The following PPARGC1A variants were observed in gnomAD, a reference collection of about 807,000 sequenced individuals.
The protein encoded by PPARGC1A is PPARG coactivator 1 alpha.
A neutral mutation model predicts 88.7 loss-of-function variants in PPARGC1A; 25 were observed. The observed-to-expected ratio is 0.28, with a 90% CI of 0.21 to 0.39. PPARGC1A has a LOEUF of 0.39. Among genes scored for constraint, PPARGC1A ranks in the 10% least tolerant of loss-of-function variants. The pLI, the probability that PPARGC1A is intolerant of heterozygous loss-of-function variation, is 1.00. For missense variants in PPARGC1A, 880 were observed against 968.7 expected (o/e 0.91, Z 1.22); for synonymous variants, 363 against 355.6 (o/e 1.02, Z -0.24).
At chr4:23,861,931 T>A (rs1009232162) in intron 2 of PPARGC1A, among the ~76,000 whole-genome samples, 1 of 152,214 alleles carries the variant, frequency 6.6e-6, no homozygotes, top group Admixed American at 6.5e-5. Context: ...AATAAAAGAC[T>A]TTAAAGCTAG....
At chr4:24,280,765 C>T in the PPARGC1A span, among the ~76,000 whole-genome samples, 1 of 152,132 alleles carries the variant, frequency 6.6e-6, no homozygotes, top group Admixed American at 6.5e-5. Flanking sequence ...CATTTGATCC[C>T]CAAGTTTTCA....
the PPARGC1A span, among the ~76,000 whole-genome samples, chr4:23,944,670 G>C: frequency 6.6e-6 from 1 of 152,152 alleles, no homozygotes; most frequent in African/African-American, 2.4e-5. Context: ...TGAATCAGAA[G>C]GGCAGCTTCC....
chr4:24,164,475 C>A, the PPARGC1A span, among the ~76,000 whole-genome samples: 11 of 152,192 alleles, frequency 7.2e-5, no homozygotes, highest in Non-Finnish European at 1.5e-4. Flanking sequence ...GAGAGGGGAG[C>A]AATGCCCAGA....
At chr4:23,891,540 A>T (rs1428933620), upstream of PPARGC1A, among the ~76,000 whole-genome samples, 1 of 152,226 alleles carries the variant, frequency 6.6e-6, no homozygotes, top group African/African-American at 2.4e-5. Flanking sequence ...AACAAAAGAA[A>T]CAAAATACCA....
At chr4:24,122,460 G>A in the PPARGC1A span, among the ~76,000 whole-genome samples, 1 of 144,908 alleles carries the variant, frequency 6.9e-6, no homozygotes, top group African/African-American at 2.6e-5. Context: ...GAGAGAGAGA[G>A]ATCTATATAA....
At chr4:24,114,572 T>C in the PPARGC1A span, among the ~76,000 whole-genome samples, 3 of 152,192 alleles carry the variant, frequency 2.0e-5, no homozygotes, top group African/African-American at 4.8e-5. Flanking sequence ...CATTCTTTCA[T>C]TCCCATTTGC....
In PPARGC1A at chr4:23,884,876, T is replaced by G. The variant is rs1315540191; in HGVS notation, c.110A>C (p.Asp37Ala). The G allele has an allele frequency of 6.2e-7, 1 of 1,613,706 alleles. No individual in the cohort carries two copies. Among genetic ancestry groups the G allele is most frequent in the African/African-American group, 1.3e-5 (1 of 74,964 alleles). The change falls in exon 2 of 13, where the codon GAT becomes GCT. Residue 37 changes from aspartate (D) to alanine (A), a missense_variant. Asp to Ala is a moderately radical substitution (Grantham distance 126, BLOSUM62 -2). Transcript: ENST00000264867. The part of the protein sequence containing the change: ...QPLCPDLPEL[D>A]LSELDVNDLD... ...GTCGTTCACATCTAGTTCAGAAAGA[T>G]CAAGTTCAGGAAGATCTGGGCAAAG...
At chr4:23,948,070 C>A in the PPARGC1A span, among the ~76,000 whole-genome samples, 1 of 152,052 alleles carries the variant, frequency 6.6e-6, no homozygotes, top group African/African-American at 2.4e-5. Context: ...TCTTATCAGC[C>A]AAGAATGCAG....
chr4:24,276,776 A>C, the PPARGC1A span, among the ~76,000 whole-genome samples: 1 of 152,236 alleles, frequency 6.6e-6, no homozygotes, highest in Non-Finnish European at 1.5e-5. Context: ...TAGATACTGA[A>C]GCCCTGCAGA....
chr4:24,030,318 AC>A, the PPARGC1A span, among the ~76,000 whole-genome samples: 1 of 152,170 alleles, frequency 6.6e-6, no homozygotes, highest in African/African-American at 2.4e-5. Context: ...ATGCTCTAAC[AC>A]AAAAATGCAG....
At chr4:23,883,023 G>A (rs540782792) in intron 2 of PPARGC1A, 1 of 152,230 alleles carries the variant, frequency 6.6e-6, no homozygotes, top group East Asian at 1.9e-4. Context: ...CTATGGAGAT[G>A]GACATTTTTT....
chr4:24,233,706 ACTGT>A, the PPARGC1A span, among the ~76,000 whole-genome samples: 1 of 152,076 alleles, frequency 6.6e-6, no homozygotes, highest in African/African-American at 2.4e-5. Flanking sequence ...GAGCTAACTC[ACTGT>A]CAGTGAGATT....
chr4:24,387,606 G>A, the PPARGC1A span, among the ~76,000 whole-genome samples: 12 of 151,724 alleles, frequency 7.9e-5, no homozygotes, highest in East Asian at 1.2e-3. Context: ...TGCTGGTAGC[G>A]CATGCTGGTA....
At chr4:23,811,191 C>G (rs1321206932) in intron 10 of PPARGC1A, among the ~76,000 whole-genome samples, 1 of 152,176 alleles carries the variant, frequency 6.6e-6, no homozygotes, top group Non-Finnish European at 1.5e-5. Flanking sequence ...CTCATTTAAC[C>G]TTTTTCCTCC....
chr4:24,069,854 G>C, the PPARGC1A span, among the ~76,000 whole-genome samples: 1 of 152,076 alleles, frequency 6.6e-6, no homozygotes, highest in Non-Finnish European at 1.5e-5. Flanking sequence ...AAAAATAATT[G>C]ACCTCATCAC....
At chr4:24,085,061 T>C in the PPARGC1A span, among the ~76,000 whole-genome samples, 1 of 152,154 alleles carries the variant, frequency 6.6e-6, no homozygotes, top group East Asian at 1.9e-4. Context: ...AAACATGAAG[T>C]AAACTCAAAA....
the PPARGC1A span, among the ~76,000 whole-genome samples, chr4:24,042,193 TC>T: frequency 8.5e-5 from 13 of 152,284 alleles, no homozygotes; most frequent in Non-Finnish European, 1.3e-4. Flanking sequence ...CGCTCAGCAT[TC>T]CCATGCCTGA....
chr4:24,099,441 G>T, the PPARGC1A span, among the ~76,000 whole-genome samples: 3 of 152,230 alleles, frequency 2.0e-5, no homozygotes, highest in East Asian at 3.9e-4. Context: ...TGTGTTACAA[G>T]TTATTTTCCA....
the PPARGC1A span, among the ~76,000 whole-genome samples, chr4:24,472,742 G>A: frequency 6.6e-6 from 1 of 151,904 alleles, no homozygotes; most frequent in East Asian, 2.0e-4. This position sits in a 1 kb window ranked among gnomAD's most constrained non-coding sequence, Gnocchi z 4.5. Flanking sequence ...TTGGGCAGCC[G>A]CCGCCGCCGC....
Sources: allele counts gnomAD v4.1 joint callset (sites outside exome capture counted in the v4.1 genomes callset), GRCh38; gene constraint gnomAD v4.1.1; non-coding constraint Gnocchi (gnomAD v3.1); transcripts MANE v1.5; gene names NCBI Gene and HGNC (gene_info 2026-07-23, HGNC 2026-07-21).